XDH: variants seen among roughly 807,000 people sequenced by gnomAD.
XDH encodes xanthine dehydrogenase/oxidase.
XDH carries 138 observed loss-of-function variants against 156.1 expected under a neutral mutation model. The observed-to-expected ratio is 0.88, with a 90% CI of 0.77 to 1.02. The LOEUF is 1.02. XDH is among the 50% of genes least tolerant of loss of function. The pLI is 0.00. For missense variants in XDH, 1,849 were observed against 1,684.9 expected, an observed-to-expected ratio of 1.10 and a Z score of -1.71; for synonymous variants, 669 against 625.7, an observed-to-expected ratio of 1.07 and a Z score of -1.03.
chr2:31,383,895 C>A (rs774182530), intron 9 of XDH, 48 bp from the exon 10 acceptor site: 2 of 1,557,486 alleles, frequency 1.3e-6, no homozygotes, highest in East Asian at 4.5e-5. Flanking sequence ...GTTGTATCAC[C>A]AGGGCAGGCC....
At chr2:31,349,614 T>G in intron 26 of XDH, 72 bp downstream of exon 26, 1 of 1,430,278 alleles carries the variant, frequency 7.0e-7, no homozygotes, top group Non-Finnish European at 9.4e-7. Context: ...TAGCTTCCTA[T>G]ATGGGGTCAG....
chr2:31,405,868 C>A (rs547487739), intron 2 of XDH, 39 bp downstream of exon 2: 6 of 1,610,994 alleles, frequency 3.7e-6, no homozygotes, highest in Non-Finnish European at 5.1e-6. Context: ...GTCACCATTG[C>A]CCCCCTTCTC....
At chr2:31,373,990 T>C in intron 15 of XDH, 34 bp from the exon 16 acceptor site, 1 of 1,594,080 alleles carries the variant, frequency 6.3e-7, no homozygotes, top group Non-Finnish European at 8.6e-7. Context: ...TGACCAGGAT[T>C]ATATTTCAAT....
At chr2:31,350,496 CCTCCTGAGTAG>C (rs1685442136) in intron 24 of XDH, among the ~76,000 whole-genome samples, 1 of 150,940 alleles carries the variant, frequency 6.6e-6, no homozygotes, top group Non-Finnish European at 1.5e-5. Context: ...CCTGCCTCAG[CCTCCTGAGTAG>C]CTGGGATTAC....
At chr2:31,373,716 G>A (rs527925209) in intron 16 of XDH, among the ~76,000 whole-genome samples, 157 bp downstream of exon 16, 69 of 152,062 alleles carry the variant, frequency 4.5e-4, no homozygotes, top group Non-Finnish European at 7.6e-4. Flanking sequence ...ACATCTATAC[G>A]ATTCCCATTT....
At chr2:31,336,681 T>C (rs1020528454) in intron 35 of XDH, among the ~76,000 whole-genome samples, 2 of 150,838 alleles carry the variant, frequency 1.3e-5, no homozygotes, top group African/African-American at 4.9e-5. Flanking sequence ...TGGGGACCCA[T>C]ATGCCTCCTT....
At chr2:31,380,736 C>T (rs1380889377) in intron 12 of XDH, among the ~76,000 whole-genome samples, 2 of 152,194 alleles carry the variant, frequency 1.3e-5, no homozygotes, top group Non-Finnish European at 2.9e-5. Flanking sequence ...TATAATAAGT[C>T]ATAGCCAGGA....
chr2:31,350,026 G>T lies in XDH; in HGVS notation c.2823+6C>A. The stretch of plus-strand genomic sequence containing the variant: ...TCTGACTTGTGCTACCAAATTCTCA[G>T]CTTACCTCCTCTGCAGGCATCCCAC... On this transcript the variant is annotated splice_donor_region_variant and intron_variant, in intron 25 of 35. Coordinates refer to ENST00000379416, the MANE Select transcript of XDH (RefSeq NM_000379.4). 1 of 1,613,734 alleles carries T rather than the reference G, an allele frequency of 6.2e-7. No homozygotes were observed. Among genetic ancestry groups the T allele is most frequent in the Non-Finnish European group, 8.5e-7 (1 of 1,180,030 alleles).
chr2:31,346,957 CCACT>C, intron 29 of XDH, 114 bp from the exon 30 acceptor site: 1 of 1,389,058 alleles, frequency 7.2e-7, no homozygotes, highest in South Asian at 1.2e-5. Context: ...ACCCAGGGTG[CCACT>C]CAAACAGCCT....
intron 1 of XDH, among the ~76,000 whole-genome samples, chr2:31,409,893 T>C (rs529453005): frequency 1.4e-4 from 22 of 152,342 alleles, no homozygotes; most frequent in African/African-American, 4.8e-4. Flanking sequence ...CTTCTGGATT[T>C]ATACCCAAAA....
chr2:31,408,975 T>G (rs1040482074), intron 1 of XDH, among the ~76,000 whole-genome samples: 15 of 152,238 alleles, frequency 9.9e-5, no homozygotes, highest in Non-Finnish European at 1.9e-4. Context: ...CGAGATCCTG[T>G]CATTTGCAAC....
At chr2:31,351,206 C>A (rs561239668) in intron 24 of XDH, among the ~76,000 whole-genome samples, 7 of 152,280 alleles carry the variant, frequency 4.6e-5, no homozygotes, top group African/African-American at 1.7e-4. Flanking sequence ...GTAAACATTA[C>A]TTACAGCTGA....
At chr2:31,388,000 C>A in intron 7 of XDH, 103 bp from the exon 8 acceptor site, 10 of 1,332,958 alleles carry the variant, frequency 7.5e-6, no homozygotes, top group Non-Finnish European at 1.0e-5. Flanking sequence ...TCCCAGCCCC[C>A]TGCAGGCTGC....
chr2:31,373,899 G>A lies in XDH; in HGVS notation c.1660C>T (p.Pro554Ser), dbSNP rs1252277133. ...ASATLLFQKD[P>S]PADVQLFQEV... The stretch of plus-strand genomic sequence containing the variant: ...TGGAAGAGCTGGACATCGGCTGGGG[G>A]GTCTTTCTGAAACAGTAAAGTTGCA... The change falls in exon 16 of 36, where the codon CCC becomes TCC. Residue 554 changes from proline to serine, a missense_variant. Pro to Ser is a moderately conservative substitution (Grantham distance 74). Coordinates refer to ENST00000379416, the MANE Select transcript of XDH (RefSeq NM_000379.4). 3.1e-6 allele frequency: 5 copies of A among 1,613,890 alleles called. No homozygotes were observed. The highest frequency in any genetic ancestry group is 2.2e-5 in the South Asian group (2 of 91,032).
At chr2:31,368,198 T>C in intron 19 of XDH, 141 bp from the exon 20 acceptor site, 1 of 817,390 alleles carries the variant, frequency 1.2e-6, no homozygotes, top group East Asian at 2.6e-5. Context: ...CATACAGACT[T>C]GAAGTAAGCT....
At chr2:31,370,593 G>A (rs541003985) in intron 17 of XDH, 115 bp from the exon 18 acceptor site, 49 of 1,340,374 alleles carry the variant, frequency 3.7e-5, no homozygotes, top group South Asian at 7.6e-5. Flanking sequence ...CTAATTCCTC[G>A]ATTCTCTGCT....
At chr2:31,363,400 G>A (rs956382510) in intron 24 of XDH, among the ~76,000 whole-genome samples, 2 of 152,182 alleles carry the variant, frequency 1.3e-5, no homozygotes, top group Non-Finnish European at 2.9e-5. Context: ...CATAGTGTAT[G>A]GTTCTATAAA....
intron 9 of XDH, 137 bp from the exon 10 acceptor site, chr2:31,383,984 G>T: frequency 2.4e-6 from 2 of 836,820 alleles, no homozygotes; most frequent in East Asian, 2.7e-5. Context: ...GACTGTAGGT[G>T]TCTGGGAATA....
In XDH at chr2:31,404,081, T is replaced by TA. The variant is rs11302270; in HGVS notation, c.101-938dup. ...TAGGAAAGAAACTTCCTCACAGATT[T>TA]AAAAAAAACAACAAACTGAGACCCA... On this transcript the variant is annotated intron_variant, in intron 2 of 35. Transcript: ENST00000379416. Among the ~76,000 whole-genome samples, 751 of 151,876 alleles carry TA rather than the reference T, an allele frequency of 4.9e-3. 5 individuals carry two copies. Among genetic ancestry groups the TA allele is most frequent in the African/African-American group, 0.017 (712 of 41,404 alleles).
Sources: gnomAD v4.1 joint callset for allele counts (sites outside exome capture counted in the v4.1 genomes callset) on GRCh38, gnomAD v4.1.1 for gene constraint, MANE v1.5 for transcripts, NCBI Gene and HGNC (gene_info 2026-07-23, HGNC 2026-07-21) for gene names.